ISM1: variants seen among roughly 807,000 people sequenced by gnomAD.
ISM1 encodes isthmin-1.
A neutral mutation model predicts 46.3 loss-of-function variants in ISM1; 25 were observed. That is an observed-to-expected ratio of 0.54 (90% CI 0.39 to 0.75). ISM1 has a LOEUF of 0.75. Among genes scored for constraint, ISM1 ranks in the 30% least tolerant of loss-of-function variants. The pLI is 0.00. For missense variants in ISM1, 536 were observed against 625.4 expected, an observed-to-expected ratio of 0.86 and a Z score of 1.52; for synonymous variants, 255 against 256.7, an observed-to-expected ratio of 0.99 and a Z score of 0.06.
chr20:13,267,396 T>G (rs529504966), intron 1 of ISM1, among the ~76,000 whole-genome samples: 6 of 152,234 alleles, frequency 3.9e-5, no homozygotes, highest in Non-Finnish European at 8.8e-5. Flanking sequence ...GTTGTCTGAC[T>G]ATTCCCGGCA....
At chr20:13,265,652 A>G in intron 1 of ISM1, among the ~76,000 whole-genome samples, 1 of 152,172 alleles carries the variant, frequency 6.6e-6, no homozygotes, top group Non-Finnish European at 1.5e-5. Context: ...TTTGGTGAGG[A>G]AAAACCTCTT....
intron 2 of ISM1, among the ~76,000 whole-genome samples, chr20:13,272,063 G>A (rs951556563): frequency 6.6e-6 from 1 of 152,168 alleles, no homozygotes; most frequent in Non-Finnish European, 1.5e-5. Context: ...ACAAGTATGA[G>A]CCACCACAGC....
At chr20:13,292,996 A>C (rs2040369107) in intron 5 of ISM1, among the ~76,000 whole-genome samples, 1 of 152,042 alleles carries the variant, frequency 6.6e-6, no homozygotes, top group African/African-American at 2.4e-5. Context: ...GGAGATCAAG[A>C]CCATCCTGAC....
intron 2 of ISM1, among the ~76,000 whole-genome samples, chr20:13,279,298 G>C (rs1293091562): frequency 6.6e-6 from 1 of 152,190 alleles, no homozygotes; most frequent in Non-Finnish European, 1.5e-5. Context: ...ACATGGAGGA[G>C]AGACAAACTC....
chr20:13,256,803 G>A (rs957958761), intron 1 of ISM1, among the ~76,000 whole-genome samples: 4 of 152,184 alleles, frequency 2.6e-5, no homozygotes, highest in African/African-American at 9.7e-5. Context: ...TACAATGGGG[G>A]TGATGATAAT....
chr20:13,224,984 T>C (rs1467189205), intron 1 of ISM1, among the ~76,000 whole-genome samples: 2 of 151,342 alleles, frequency 1.3e-5, no homozygotes, highest in East Asian at 3.9e-4. Context: ...TAGCTGGGAC[T>C]ACAGGCGCCT....
rs1480439574 is a variant in ISM1, at chr20:13,299,795, A to C, written c.*336A>C. On this transcript the variant is annotated 3_prime_UTR_variant, in exon 6 of 6. Coordinates refer to ENST00000262487, the MANE Select transcript of ISM1 (RefSeq NM_080826.2). The surrounding 1 kb of genome is among the most constrained non-coding windows in gnomAD (Gnocchi z 5.8). ...CGGATCCAGAGTTTCAAAGAGAGGC[A>C]AAGGGGGAAAGAGACTGAGGTTGTA... 6 of 238,598 alleles carry C rather than the reference A, an allele frequency of 2.5e-5. No homozygotes were observed. The highest frequency in any genetic ancestry group is 5.0e-5 in the Non-Finnish European group (6 of 121,132). The allele number at this position is 238,598 out of a possible 1,614,324, so 14.8% of individuals were successfully genotyped here.
At chr20:13,306,005 G>A in the ISM1 span, among the ~76,000 whole-genome samples, 9 of 152,120 alleles carry the variant, frequency 5.9e-5, no homozygotes, top group African/African-American at 2.2e-4. Context: ...AGAATTTTAT[G>A]ACTTTGCTAA....
At chr20:13,224,142 G>A (rs1411244985) in intron 1 of ISM1, among the ~76,000 whole-genome samples, 2 of 152,096 alleles carry the variant, frequency 1.3e-5, no homozygotes, top group Non-Finnish European at 2.9e-5. Flanking sequence ...ACCAGCTTCA[G>A]CTTATCTTGT....
In ISM1 at chr20:13,299,363, T is replaced by G; in HGVS notation, c.1299T>G (p.Tyr433Ter). Residue 433 changes from tyrosine to a stop codon, truncating the protein, a stop_gained, in exon 6 of 6, where the codon TAT (tyrosine) becomes TAG (stop). Transcript: ENST00000262487. LOFTEE classifies it high-confidence loss of function. The surrounding 1 kb of genome is among the most constrained non-coding windows in gnomAD (Gnocchi z 5.8). ...WIICKGDWSR[Y>*]NEARPPNNGQ... ...TCTGCAAGGGTGACTGGAGCAGGTA[T>G]AACGAGGCCCGGCCTCCCAACAACG... The G allele has an allele frequency of 2.5e-6, 4 of 1,613,834 alleles. No individual in the cohort carries two copies. Among genetic ancestry groups the G allele is most frequent in the Non-Finnish European group, 3.4e-6 (4 of 1,179,878 alleles).
intron 3 of ISM1, 136 bp downstream of exon 3, chr20:13,280,034 T>A: frequency 1.2e-6 from 1 of 817,354 alleles, no homozygotes; most frequent in Non-Finnish European, 1.9e-6. Context: ...ACAAAGGCTG[T>A]CTTCCGCAGA....
intron 1 of ISM1, among the ~76,000 whole-genome samples, chr20:13,249,436 G>A (rs1313795605): frequency 3.3e-5 from 5 of 152,194 alleles, no homozygotes. Context: ...AGACATGGCA[G>A]GACCACACGG....
chr20:13,262,313 A>G (rs958506940), intron 1 of ISM1, among the ~76,000 whole-genome samples: 1 of 152,170 alleles, frequency 6.6e-6, no homozygotes, highest in African/African-American at 2.4e-5. Context: ...TGGAAGGCTG[A>G]TAGAAAGCCT....
chr20:13,268,363 TC>T, intron 1 of ISM1, among the ~76,000 whole-genome samples: 1 of 68,364 alleles, frequency 1.5e-5, no homozygotes, highest in African/African-American at 5.7e-5. Context: ...TCTCTCTCTC[TC>T]TCTCTCTCTC....
intron 3 of ISM1, among the ~76,000 whole-genome samples, chr20:13,287,179 G>C (rs543737104): frequency 8.5e-4 from 130 of 152,308 alleles, no homozygotes; most frequent in African/African-American, 3.0e-3. Context: ...ATTTATAAAG[G>C]AAAGAGATTT....
At chr20:13,321,759 G>A in the ISM1 span, among the ~76,000 whole-genome samples, 5 of 152,178 alleles carry the variant, frequency 3.3e-5, no homozygotes, top group Non-Finnish European at 5.9e-5. Context: ...ATATTAAAAA[G>A]TAGCGTTGAA....
chr20:13,295,732 C>T (rs1244138782), intron 5 of ISM1, among the ~76,000 whole-genome samples: 1 of 152,230 alleles, frequency 6.6e-6, no homozygotes, highest in Non-Finnish European at 1.5e-5. Context: ...GCAGGCTCAG[C>T]CATGCTGACT....
chr20:13,289,557 G>A (rs866523718), intron 4 of ISM1, among the ~76,000 whole-genome samples: 4 of 152,138 alleles, frequency 2.6e-5, no homozygotes, highest in African/African-American at 4.8e-5. Flanking sequence ...GGTCTGGCTC[G>A]AGACCTGTTT....
chr20:13,273,579 C>T (rs891780517), intron 2 of ISM1, among the ~76,000 whole-genome samples: 5 of 152,104 alleles, frequency 3.3e-5, no homozygotes, highest in African/African-American at 1.2e-4. Flanking sequence ...AAAGCTATAG[C>T]GTAAAGGCTG....
Sources: gnomAD v4.1 joint callset for allele counts (sites outside exome capture counted in the v4.1 genomes callset) on GRCh38, gnomAD v4.1.1 for gene constraint, Gnocchi (gnomAD v3.1) non-coding constraint, MANE v1.5 for transcripts, NCBI Gene and HGNC (gene_info 2026-07-23, HGNC 2026-07-21) for gene names.